Variants in PRKCE observed in about 807,000 individuals in gnomAD.
PRKCE encodes protein kinase C epsilon.
PRKCE carries 16 observed loss-of-function variants against 85.4 expected under a neutral mutation model. The ratio of observed to expected loss-of-function variants is 0.19; its 90% CI spans 0.13 to 0.28. The LOEUF is 0.28. PRKCE is among the 10% of genes least tolerant of loss of function. PRKCE has a pLI of 1.00. For missense variants in PRKCE, 573 were observed against 975.2 expected, an observed-to-expected ratio of 0.59 and a Z score of 5.49; for synonymous variants, 388 against 371.5, an observed-to-expected ratio of 1.04 and a Z score of -0.51.
At chr2:45,812,512 A>G (rs1279850581) in intron 1 of PRKCE, among the ~76,000 whole-genome samples, 1 of 152,214 alleles carries the variant, frequency 6.6e-6, no homozygotes, top group East Asian at 1.9e-4. Flanking sequence ...CCCATCTTAC[A>G]TTCTGTGTGC....
chr2:46,086,540 G>C (rs577098333), intron 11 of PRKCE, among the ~76,000 whole-genome samples, 178 bp downstream of exon 11: 66 of 152,290 alleles, frequency 4.3e-4, no homozygotes, highest in Non-Finnish European at 8.8e-4. Context: ...GTGAATGTTA[G>C]TATTTGAATG....
intron 1 of PRKCE, among the ~76,000 whole-genome samples, chr2:45,789,768 C>G (rs1686893430): frequency 6.6e-6 from 1 of 152,180 alleles, no homozygotes; most frequent in Admixed American, 6.5e-5. Context: ...GGCTGAGAAT[C>G]ACAACTTTAA....
At chr2:45,898,976 C>G (rs939528040) in intron 2 of PRKCE, among the ~76,000 whole-genome samples, 10 of 152,238 alleles carry the variant, frequency 6.6e-5, no homozygotes, top group East Asian at 1.9e-4. Context: ...AGGCCATACA[C>G]CCAACTCATT....
chr2:45,719,234 G>C (rs1169994915), intron 1 of PRKCE, among the ~76,000 whole-genome samples: 1 of 152,190 alleles, frequency 6.6e-6, no homozygotes, highest in Non-Finnish European at 1.5e-5. Context: ...CCCTACCCCA[G>C]CCTCCGGCTT....
chr2:46,010,128 A>C (rs565536125), intron 9 of PRKCE, among the ~76,000 whole-genome samples: 2 of 152,220 alleles, frequency 1.3e-5, no homozygotes, highest in Non-Finnish European at 2.9e-5. Flanking sequence ...GGGTCTTGCT[A>C]TGTTGCCCAT....
At chr2:45,735,389 T>G (rs1004349474) in intron 1 of PRKCE, among the ~76,000 whole-genome samples, 3 of 152,244 alleles carry the variant, frequency 2.0e-5, no homozygotes, top group Non-Finnish European at 2.9e-5. Flanking sequence ...TAAGACAGCT[T>G]GTAGTACAGT....
chr2:45,866,798 C>T (rs1269843543), intron 2 of PRKCE, among the ~76,000 whole-genome samples: 1 of 152,254 alleles, frequency 6.6e-6, no homozygotes, highest in Non-Finnish European at 1.5e-5. Flanking sequence ...GGCTGCCATA[C>T]TGCACAGTGC....
intron 2 of PRKCE, among the ~76,000 whole-genome samples, chr2:45,908,948 A>G (rs1414425315): frequency 2.0e-5 from 3 of 152,076 alleles, no homozygotes; most frequent in Non-Finnish European, 2.9e-5. Context: ...TCTGATTTCT[A>G]TGTCTAATCG....
chr2:45,987,921 G>T (rs1364415174), intron 6 of PRKCE, among the ~76,000 whole-genome samples: 1 of 152,214 alleles, frequency 6.6e-6, no homozygotes, highest in Non-Finnish European at 1.5e-5. Flanking sequence ...GGCAGGGGCT[G>T]CTTGTGCCCA....
At chr2:45,951,696 A>G (rs1358684174) in intron 2 of PRKCE, among the ~76,000 whole-genome samples, 1 of 152,216 alleles carries the variant, frequency 6.6e-6, no homozygotes, top group Non-Finnish European at 1.5e-5. Flanking sequence ...TTTGTACACA[A>G]CCACATACAA....
intron 14 of PRKCE, among the ~76,000 whole-genome samples, chr2:46,172,492 T>C (rs1031932400): frequency 6.1e-5 from 8 of 132,130 alleles, no homozygotes; most frequent in African/African-American, 2.2e-4. Context: ...TGGGCGGGCC[T>C]GGGCGTGCCT....
chr2:45,985,628 G>A (rs1703260238), intron 6 of PRKCE, among the ~76,000 whole-genome samples: 1 of 152,196 alleles, frequency 6.6e-6, no homozygotes. Flanking sequence ...GAGAAACTAT[G>A]AGAATTGGAA....
chr2:45,961,048 T>A (rs1335986445), intron 2 of PRKCE, among the ~76,000 whole-genome samples: 1 of 152,196 alleles, frequency 6.6e-6, no homozygotes, highest in Non-Finnish European at 1.5e-5. Context: ...TACCAGGACT[T>A]TAGCGTCTCT....
intron 10 of PRKCE, among the ~76,000 whole-genome samples, chr2:46,026,571 C>G (rs1000939486): frequency 3.3e-5 from 5 of 152,212 alleles, no homozygotes; most frequent in African/African-American, 1.2e-4. Context: ...CTGGCCACAG[C>G]TTTCCTAAAT....
rs755303 is a variant in PRKCE, at chr2:45,886,631, G to A, written c.412+43568G>A. 7.2e-5 allele frequency among the ~76,000 whole-genome samples: 11 copies of A among 152,328 alleles called. No homozygotes were observed. In the South Asian group the frequency reaches 2.3e-3, roughly 32 times the overall value. On this transcript the variant is annotated intron_variant, in intron 2 of 14. Coordinates refer to ENST00000306156, the MANE Select transcript of PRKCE (RefSeq NM_005400.3). ...GACGTGATAACAGTAACCCTGCAAT[G>A]AGTCTTGACAATGCTGAAGTCAAAT...
intron 1 of PRKCE, among the ~76,000 whole-genome samples, chr2:45,684,335 C>T (rs368344959): frequency 9.8e-5 from 15 of 152,296 alleles, no homozygotes; most frequent in East Asian, 7.7e-4. Context: ...GATAGGCAAG[C>T]ATGATTCTGA....
intron 1 of PRKCE, among the ~76,000 whole-genome samples, chr2:45,694,052 G>A (rs1479004734): frequency 6.6e-6 from 1 of 151,682 alleles, no homozygotes; most frequent in Non-Finnish European, 1.5e-5. Context: ...TTGACCCGTG[G>A]ACACAGATTT....
chr2:45,994,028 G>T (rs563230573), intron 6 of PRKCE, among the ~76,000 whole-genome samples: 7 of 152,182 alleles, frequency 4.6e-5, no homozygotes, highest in Non-Finnish European at 7.4e-5. Flanking sequence ...GCTCTCTCCA[G>T]ACAGGTGACC....
chr2:45,932,784 C>G (rs1223036317), intron 2 of PRKCE, among the ~76,000 whole-genome samples: 1 of 152,192 alleles, frequency 6.6e-6, no homozygotes, highest in African/African-American at 2.4e-5. Context: ...GAAACACTAA[C>G]TCTCTACTCC....
Sources: allele counts gnomAD v4.1 joint callset (sites outside exome capture counted in the v4.1 genomes callset), GRCh38; gene constraint gnomAD v4.1.1; transcripts MANE v1.5; gene names NCBI Gene and HGNC (gene_info 2026-07-23, HGNC 2026-07-21).